MYCBP2: variants seen among roughly 807,000 people sequenced by gnomAD.
The protein encoded by MYCBP2 is E3 ubiquitin-protein ligase MYCBP2.
A neutral mutation model predicts 525.3 loss-of-function variants in MYCBP2; 120 were observed. The observed-to-expected ratio is 0.23, with a 90% CI of 0.20 to 0.27. The LOEUF (loss-of-function observed/expected upper bound fraction) is 0.27, where lower values mean the gene tolerates loss of function less well. Among genes scored for constraint, MYCBP2 ranks in the 10% least tolerant of loss-of-function variants. The probability of loss-of-function intolerance (pLI) is 1.00; values close to 1 mark genes in which losing one functional copy is unlikely to be tolerated. For synonymous variants in MYCBP2, 1,894 were observed against 1,955.8 expected (o/e 0.97, Z 0.83); for missense variants, 4,149 against 5,657.1 (o/e 0.73, Z 8.55).
intron 52 of MYCBP2, 109 bp downstream of exon 52, chr13:77,139,087 G>A: frequency 8.3e-7 from 1 of 1,210,684 alleles, no homozygotes; most frequent in Non-Finnish European, 1.1e-6. Context: ...GTAAAGTAAA[G>A]GTTACTTAGT....
intron 3 of MYCBP2, among the ~76,000 whole-genome samples, chr13:77,285,810 C>T (rs9565331): frequency 7.6e-6 from 1 of 131,612 alleles, no homozygotes; most frequent in African/African-American, 3.0e-5. Flanking sequence ...AAGGGAAAGG[C>T]AAAGGAAAAG....
chr13:77,203,678 G>A (rs965166745), intron 26 of MYCBP2, among the ~76,000 whole-genome samples: 19 of 152,264 alleles, frequency 1.2e-4, no homozygotes, highest in African/African-American at 4.6e-4. Flanking sequence ...AAACAGCATG[G>A]TATTGGTACC....
rs773188431 is a variant in MYCBP2, at chr13:77,205,515, C to A, written c.3673G>T (p.Val1225Phe). ...TEEETQAVMK[V>F]YSKEDYSVVN... is the part of the protein sequence containing the mutation. Reference sequence around the variant, plus strand: ...ACACTATAATCTTCTTTAGAATAAACCTTCATTACTGCTTGAGTCTCTTCC... The same window carrying A: ...ACACTATAATCTTCTTTAGAATAAAACTTCATTACTGCTTGAGTCTCTTCC... Residue 1225 changes from valine to phenylalanine, a missense_variant, in exon 25 of 83, where the codon GTT becomes TTT. Val to Phe is a conservative substitution (Grantham distance 50). Transcript: ENST00000544440. The A allele has an allele frequency of 1.2e-6, 2 of 1,613,628 alleles. No homozygotes were observed. The highest frequency in any genetic ancestry group is 8.5e-7 in the Non-Finnish European group (1 of 1,179,790).
chr13:77,241,990 A>G (rs1200546380), intron 17 of MYCBP2, among the ~76,000 whole-genome samples: 1 of 152,218 alleles, frequency 6.6e-6, no homozygotes, highest in Non-Finnish European at 1.5e-5. Context: ...GAATAAAATC[A>G]TAGACTTCCA....
chr13:77,206,955 T>C, intron 23 of MYCBP2, 130 bp from the exon 24 acceptor site: 1 of 710,970 alleles, frequency 1.4e-6, no homozygotes, highest in Admixed American at 3.7e-5. Flanking sequence ...TGTAGCTCAT[T>C]ATCTTCTGGA....
chr13:77,079,562 T>C (rs571557074), intron 65 of MYCBP2, among the ~76,000 whole-genome samples: 7 of 152,246 alleles, frequency 4.6e-5, no homozygotes, highest in African/African-American at 1.7e-4. Flanking sequence ...AATCAACAAA[T>C]GCTGTGTACA....
At chr13:77,204,217 C>G (rs1375971184) in intron 26 of MYCBP2, among the ~76,000 whole-genome samples, 1 of 151,936 alleles carries the variant, frequency 6.6e-6, no homozygotes, top group African/African-American at 2.4e-5. Context: ...AACAAACAAC[C>G]CCATCAAAAA....
At position 77,176,478 on chromosome 13, in the gene MYCBP2, A is replaced by T; in HGVS notation, c.5472+19T>A. 1 of 1,568,790 alleles carries T rather than the reference A, an allele frequency of 6.4e-7. No individual in the cohort carries two copies. Among genetic ancestry groups the T allele is most frequent in the South Asian group, 1.2e-5 (1 of 82,350 alleles). On this transcript the variant is annotated intron_variant, in intron 36 of 82. Transcript: ENST00000544440. ...AATAATACCTCTTATTCACAATAGA[A>T]ACATTCAGTTGAAACTACCTTTAAA...
chr13:77,255,173 C>G (rs2071951318), intron 14 of MYCBP2, among the ~76,000 whole-genome samples: 1 of 151,960 alleles, frequency 6.6e-6, no homozygotes, highest in South Asian at 2.1e-4. Flanking sequence ...GAGTCACCTT[C>G]ATACGAATGA....
chr13:77,144,345 A>G, intron 49 of MYCBP2, 100 bp downstream of exon 49: 1 of 764,788 alleles, frequency 1.3e-6, no homozygotes, highest in Admixed American at 2.1e-5. Flanking sequence ...AAACCTATCC[A>G]TATGTCTAGT....
In MYCBP2 at chr13:77,243,963, T is replaced by TAAAAAA; in HGVS notation, c.2382-13_2382-12insTTTTTT. Reference sequence around the variant, plus strand: ...CACAACCACAGATCCTAGGGGGAAATACAAAAAAAAAAAAAAAAGACAACT... The same window carrying TAAAAAA: ...CACAACCACAGATCCTAGGGGGAAATAAAAAAACAAAAAAAAAAAAAAAAGACAACT... On this transcript the variant is annotated splice_polypyrimidine_tract_variant and intron_variant, in intron 15 of 82. Coordinates refer to ENST00000544440, the MANE Select transcript of MYCBP2 (RefSeq NM_015057.5). 9.1e-7 allele frequency: 1 copy of TAAAAAA among 1,104,394 alleles called. No individual in the cohort carries two copies. Among genetic ancestry groups the TAAAAAA allele is most frequent in the Non-Finnish European group, 1.1e-6 (1 of 913,652 alleles). The allele number at this position is 1,104,394 out of a possible 1,614,324, so 68.4% of individuals were successfully genotyped here. A position where few individuals can be genotyped will look rare whatever the true frequency, so the allele number is the denominator to read the frequency against.
chr13:77,269,302 C>T lies in MYCBP2; in HGVS notation c.1260+690G>A, dbSNP rs547492923. On this transcript the variant is annotated intron_variant, in intron 7 of 82. Transcript: ENST00000544440. ...AATGAAAGAGTCTGTGGTAAGAAAC[C>T]CTAATTTGGCCTCAGGACATGTATA... 5.9e-5 allele frequency among the ~76,000 whole-genome samples: 9 copies of T among 152,142 alleles called. No individual in the cohort carries two copies. The East Asian group carries it at 1.7e-3, about 29-fold the overall frequency.
Position 77,326,387 on chromosome 13 carries a change from A to G in MYCBP2, c.302+87T>C. ...AATAAATGCGCAGGTACACACACGCAAGCACACACACACGCGGGTGCACGC... is the reference window on the plus strand; with the variant it reads ...AATAAATGCGCAGGTACACACACGCGAGCACACACACACGCGGGTGCACGC... On this transcript the variant is annotated intron_variant, in intron 1 of 82. Coordinates refer to ENST00000544440, the MANE Select transcript of MYCBP2 (RefSeq NM_015057.5). This position sits in a 1 kb window ranked among gnomAD's most constrained non-coding sequence, Gnocchi z 4.2. 7.6e-7 allele frequency: 1 copy of G among 1,317,198 alleles called. No homozygotes were observed. The highest frequency in any genetic ancestry group is 1.5e-5 in the South Asian group (1 of 68,728). 81.6% of individuals were successfully genotyped at this position (1,317,198 alleles called of 1,614,324 possible).
At chr13:77,180,066 G>T in intron 34 of MYCBP2, 61 bp downstream of exon 34, 2 of 1,366,100 alleles carry the variant, frequency 1.5e-6, no homozygotes, top group South Asian at 2.9e-5. Context: ...GTTGAAAAAA[G>T]AAACTGTGTA....
At chr13:77,131,687 C>G (rs1479463938) in intron 52 of MYCBP2, among the ~76,000 whole-genome samples, 2 of 152,084 alleles carry the variant, frequency 1.3e-5, no homozygotes, top group East Asian at 3.9e-4. Context: ...TTATTATAAG[C>G]ACAGCTTGTG....
At chr13:77,294,007 T>C (rs1231263124) in intron 2 of MYCBP2, among the ~76,000 whole-genome samples, 1 of 149,852 alleles carries the variant, frequency 6.7e-6, no homozygotes, top group African/African-American at 2.4e-5. Context: ...GAAAGACTGG[T>C]ATCTAACCTG....
chr13:77,091,147 C>T (rs957624069), intron 59 of MYCBP2, among the ~76,000 whole-genome samples: 45 of 145,352 alleles, frequency 3.1e-4, no homozygotes, highest in Admixed American at 2.7e-4. Context: ...TTCTAATAGA[C>T]GGCTAACTGC....
rs369353648 is a variant in MYCBP2, at chr13:77,174,284, T to G, written c.5651+27A>C. 3 of 1,607,992 alleles carry G rather than the reference T, an allele frequency of 1.9e-6. No individual in the cohort carries two copies. The African/African-American group carries it at 4.0e-5, about 21-fold the overall frequency. On this transcript the variant is annotated intron_variant, in intron 37 of 82. Coordinates refer to ENST00000544440, the MANE Select transcript of MYCBP2 (RefSeq NM_015057.5). The stretch of plus-strand genomic sequence containing the variant: ...TGTATGTTCTACCACTGTAAAGTAT[T>G]TCCGTTATCTCTATACATTCACCCA...
At chr13:77,112,290 T>TATATATATATAAA (rs974382405) in intron 55 of MYCBP2, among the ~76,000 whole-genome samples, 1 of 143,978 alleles carries the variant, frequency 6.9e-6, no homozygotes, top group African/African-American at 2.6e-5. Flanking sequence ...TTCTTTATAT[T>TATATATATATAAA]ATATATATAT....
Sources: gnomAD v4.1 joint callset for allele counts (sites outside exome capture counted in the v4.1 genomes callset) on GRCh38, gnomAD v4.1.1 for gene constraint, Gnocchi (gnomAD v3.1) non-coding constraint, MANE v1.5 for transcripts, NCBI Gene and HGNC (gene_info 2026-07-23, HGNC 2026-07-21) for gene names.